The following TBC1D22A variants were observed in gnomAD, a reference collection of about 807,000 sequenced individuals.
TBC1D22A encodes putative GTPase activator.
In TBC1D22A, 38 loss-of-function variants were observed where a neutral mutation model predicts 60.2. The ratio of observed to expected loss-of-function variants is 0.63; its 90% CI spans 0.49 to 0.83. The LOEUF is 0.83. Ranked by LOEUF, TBC1D22A falls within the 40% of genes least tolerant of loss-of-function variation. The pLI, the probability that TBC1D22A is intolerant of heterozygous loss-of-function variation, is 0.00. For synonymous variants in TBC1D22A, 302 were observed against 281.7 expected (o/e 1.07, Z -0.72); for missense variants, 628 against 701.0 (o/e 0.90, Z 1.18).
At chr22:47,131,189 A>G (rs1159197051) in intron 12 of TBC1D22A, among the ~76,000 whole-genome samples, 1 of 152,182 alleles carries the variant, frequency 6.6e-6, no homozygotes, top group Non-Finnish European at 1.5e-5. Flanking sequence ...CCCACTGCCA[A>G]CACCAGCTGT....
chr22:46,779,936 G>C (rs987265304), intron 1 of TBC1D22A, among the ~76,000 whole-genome samples: 1 of 152,250 alleles, frequency 6.6e-6, no homozygotes, highest in Admixed American at 6.5e-5. Context: ...TGTTTCTGCT[G>C]TTGACCCTCG....
At chr22:47,089,725 G>A (rs996712137) in intron 11 of TBC1D22A, among the ~76,000 whole-genome samples, 7 of 152,286 alleles carry the variant, frequency 4.6e-5, no homozygotes, top group Admixed American at 4.6e-4. Flanking sequence ...GTTTTAGATC[G>A]TAAGAAATTC....
chr22:46,899,923 A>G (rs1266598067), intron 7 of TBC1D22A, among the ~76,000 whole-genome samples: 3 of 152,094 alleles, frequency 2.0e-5, no homozygotes, highest in Non-Finnish European at 2.9e-5. Flanking sequence ...GGCTGCTAAT[A>G]GGAAGAAGGA....
intron 11 of TBC1D22A, among the ~76,000 whole-genome samples, chr22:47,075,907 T>C (rs1032668820): frequency 5.3e-5 from 8 of 152,240 alleles, no homozygotes; most frequent in African/African-American, 1.9e-4. Context: ...TACACTGATA[T>C]CAGACAAAAT....
chr22:46,844,508 G>T (rs1296256624), intron 4 of TBC1D22A, among the ~76,000 whole-genome samples: 2 of 152,226 alleles, frequency 1.3e-5, no homozygotes, highest in Non-Finnish European at 1.5e-5. Flanking sequence ...CTGTGTGGTT[G>T]AGTCGTCAGC....
intron 8 of TBC1D22A, among the ~76,000 whole-genome samples, chr22:46,952,228 A>G (rs979128295): frequency 3.9e-5 from 4 of 101,774 alleles, no homozygotes; most frequent in Non-Finnish European, 9.4e-5. Context: ...CGGGACAGCA[A>G]GCCTTCCTGG....
intron 11 of TBC1D22A, among the ~76,000 whole-genome samples, chr22:47,082,596 A>G (rs1316792808): frequency 6.6e-6 from 1 of 152,258 alleles, no homozygotes; most frequent in East Asian, 1.9e-4. Context: ...ACAGCAGAAG[A>G]TATTCTGATG....
intron 12 of TBC1D22A, among the ~76,000 whole-genome samples, chr22:47,167,714 G>C (rs1216271171): frequency 6.6e-6 from 1 of 152,212 alleles, no homozygotes; most frequent in Non-Finnish European, 1.5e-5. Context: ...TTTGAATGGG[G>C]GAGTGCATGC....
At chr22:46,807,323 GTGGGAAT>G (rs1472614512) in intron 4 of TBC1D22A, among the ~76,000 whole-genome samples, 1 of 152,058 alleles carries the variant, frequency 6.6e-6, no homozygotes, top group Non-Finnish European at 1.5e-5. Context: ...GATGATGGTG[GTGGGAAT>G]GATAGTGATA....
chr22:46,861,362 A>C (rs1312651466), intron 4 of TBC1D22A, among the ~76,000 whole-genome samples: 1 of 152,214 alleles, frequency 6.6e-6, no homozygotes, highest in Admixed American at 6.5e-5. Context: ...TCATCTTTTC[A>C]GGTTTTCAAA....
intron 12 of TBC1D22A, among the ~76,000 whole-genome samples, chr22:47,134,162 C>G (rs1385904913): frequency 6.6e-6 from 1 of 152,210 alleles, no homozygotes; most frequent in South Asian, 2.1e-4. Flanking sequence ...AAGTTACACC[C>G]CCATTCAAAT....
At chr22:46,767,515 A>T (rs116975938) in intron 1 of TBC1D22A, among the ~76,000 whole-genome samples, 4,195 of 152,282 alleles carry the variant, frequency 0.028, 79 homozygotes, top group Non-Finnish European at 0.04. Flanking sequence ...AATATTAGTG[A>T]ACAAAATAGA....
intron 4 of TBC1D22A, among the ~76,000 whole-genome samples, chr22:46,834,294 A>G (rs2086429455): frequency 6.6e-6 from 1 of 152,146 alleles, no homozygotes; most frequent in Non-Finnish European, 1.5e-5. Flanking sequence ...CAGCAGTAAT[A>G]CTGATTTTGA....
At chr22:47,096,458 T>A (rs1722861471) in intron 11 of TBC1D22A, among the ~76,000 whole-genome samples, 1 of 152,256 alleles carries the variant, frequency 6.6e-6, no homozygotes, top group African/African-American at 2.4e-5. Context: ...TGAGAAATCT[T>A]AATTATAGTG....
intron 1 of TBC1D22A, among the ~76,000 whole-genome samples, chr22:46,783,154 A>G (rs1007217711): frequency 2.0e-5 from 3 of 152,230 alleles, no homozygotes; most frequent in East Asian, 3.9e-4. Context: ...CTGGGTGTGA[A>G]GTGGTATCCG....
At chr22:47,031,711 CCCTCACCTG>C (rs1445019580) in intron 10 of TBC1D22A, among the ~76,000 whole-genome samples, 1 of 152,160 alleles carries the variant, frequency 6.6e-6, no homozygotes, top group African/African-American at 2.4e-5. Flanking sequence ...TGGACAGGTC[CCCTCACCTG>C]CCTCACCTCA....
At chr22:46,839,545 A>G (rs545580096) in intron 4 of TBC1D22A, among the ~76,000 whole-genome samples, 32 of 152,372 alleles carry the variant, frequency 2.1e-4, no homozygotes, top group African/African-American at 7.5e-4. Flanking sequence ...CACATAGGAC[A>G]ATCTCTATCA....
chr22:46,961,879 G>A (rs1273079820), intron 8 of TBC1D22A, among the ~76,000 whole-genome samples: 2 of 152,240 alleles, frequency 1.3e-5, no homozygotes, highest in Admixed American at 1.3e-4. Flanking sequence ...AGAGAGTATT[G>A]TGTGGGTTTG....
At chr22:46,766,219 G>C (rs898308685) in intron 1 of TBC1D22A, among the ~76,000 whole-genome samples, 2 of 151,960 alleles carry the variant, frequency 1.3e-5, no homozygotes, top group Non-Finnish European at 2.9e-5. Flanking sequence ...GGATAGTCTC[G>C]ATCTCCTGAC....
Sources: allele counts gnomAD v4.1 joint callset (sites outside exome capture counted in the v4.1 genomes callset), GRCh38; gene constraint gnomAD v4.1.1; transcripts MANE v1.5; gene names NCBI Gene and HGNC (gene_info 2026-07-23, HGNC 2026-07-21).